The following PARP11 variants were observed in gnomAD, a reference collection of about 807,000 sequenced individuals.
PARP11 encodes the protein poly(ADP-ribose) polymerase family member 11.
In PARP11, 31 loss-of-function variants were observed where a neutral mutation model predicts 42.9. The observed-to-expected ratio is 0.72, with a 90% CI of 0.54 to 0.98. The LOEUF is 0.98. PARP11 is among the 50% of genes least tolerant of loss of function. PARP11 has a pLI of 0.00. For synonymous variants in PARP11, 137 were observed against 127.3 expected, an observed-to-expected ratio of 1.08 and a Z score of -0.51; for missense variants, 365 against 413.1, an observed-to-expected ratio of 0.88 and a Z score of 1.01.
rs1947130243 is a variant in PARP11, at chr12:3,809,591, A to G, written c.*2532T>C. On this transcript the variant is annotated 3_prime_UTR_variant, in exon 8 of 8. Transcript: ENST00000228820. The stretch of plus-strand genomic sequence containing the variant: ...AAAAACAACTCCCAAATGCTGTAAC[A>G]GTTTTTCCATTCAAGTGCTGAGAGA... The G allele has an allele frequency of 6.6e-6, 1 of 152,248 alleles. No homozygotes were observed. The highest frequency in any genetic ancestry group is 2.1e-4 in the South Asian group (1 of 4,828). The allele number at this position is 152,248 out of a possible 1,614,324, so 9.4% of individuals were successfully genotyped here.
chr12:3,819,627 T>A (rs549227976), intron 6 of PARP11, among the ~76,000 whole-genome samples: 4 of 152,280 alleles, frequency 2.6e-5, no homozygotes, highest in African/African-American at 4.8e-5. Flanking sequence ...AAAATGCAGA[T>A]CAGATCCATC....
chr12:3,814,574 G>C (rs1320912619), intron 6 of PARP11, among the ~76,000 whole-genome samples: 4 of 152,140 alleles, frequency 2.6e-5, no homozygotes, highest in African/African-American at 9.7e-5. Flanking sequence ...CTTGAGCAGG[G>C]ATCATGTCAT....
In PARP11 at chr12:3,840,006, T is replaced by C. The variant is rs916232955; in HGVS notation, c.19-9988A>G. 1.0e-5 allele frequency: 16 copies of C among 1,595,224 alleles called. No individual in the cohort carries two copies. The South Asian group carries it at 1.8e-4, about 18-fold the overall frequency. ...CAGGCAACGAGCAGCTGAAGAACAATGGGAACTCTACTAGCCTGCCTTTGG... is the reference window on the plus strand; with the variant it reads ...CAGGCAACGAGCAGCTGAAGAACAACGGGAACTCTACTAGCCTGCCTTTGG... On this transcript the variant is annotated intron_variant, in intron 1 of 7. Transcript: ENST00000228820. The surrounding 1 kb of genome is among the most constrained non-coding windows in gnomAD (Gnocchi z 4.4).
chr12:3,821,353 T>C (rs1276675688), intron 6 of PARP11, among the ~76,000 whole-genome samples: 2 of 152,238 alleles, frequency 1.3e-5, no homozygotes, highest in African/African-American at 4.8e-5. Context: ...TGGACTTTAC[T>C]TTGGTTAAGT....
Position 3,822,186 on chromosome 12 carries a change from A to T in PARP11, c.345-29T>A, listed in dbSNP as rs969718228. The T allele has an allele frequency of 2.6e-6, 4 of 1,551,416 alleles. No homozygotes were observed. The African/African-American group carries it at 5.4e-5, about 21-fold the overall frequency. On this transcript the variant is annotated intron_variant, in intron 4 of 7. Transcript: ENST00000228820. ...GAAACAGCAAAAGAGAAAACAAAAT[A>T]TCAGAAGCCGATTACAATTACTGTC...
Position 3,812,034 on chromosome 12 carries a change from A to C in PARP11, c.*89T>G. On this transcript the variant is annotated 3_prime_UTR_variant, in exon 8 of 8. Transcript: ENST00000228820. ...ATATCTGTTTCAAAAGTATCAGATA[A>C]TTAACATTTAGTGGCTAGATGACTG... 2 of 956,542 alleles carry C rather than the reference A, an allele frequency of 2.1e-6. No homozygotes were observed. Among genetic ancestry groups the C allele is most frequent in the South Asian group, 3.4e-5 (2 of 58,814 alleles). The allele number at this position is 956,542 out of a possible 1,614,324, so 59.3% of individuals were successfully genotyped here.
chr12:3,810,705 AG>A lies in PARP11; in HGVS notation c.*1417del, dbSNP rs1947155320. 1 of 133,842 alleles carries A rather than the reference AG, an allele frequency of 7.5e-6. No individual in the cohort carries two copies. Among genetic ancestry groups the A allele is most frequent in the Non-Finnish European group, 1.5e-5 (1 of 66,198 alleles). The allele number at this position is 133,842 out of a possible 1,614,324, so 8.3% of individuals were successfully genotyped here. On this transcript the variant is annotated 3_prime_UTR_variant, in exon 8 of 8. Transcript: ENST00000228820. The stretch of plus-strand genomic sequence containing the variant: ...AAGGAAAGAAAGAAGGAAGGAAGAG[AG>A]AGAGAAGAGAAGAGAAAGAGAAAGA...
intron 1 of PARP11, among the ~76,000 whole-genome samples, chr12:3,847,186 C>T (rs1948020691): frequency 6.6e-6 from 1 of 152,172 alleles, no homozygotes; most frequent in African/African-American, 2.4e-5. Flanking sequence ...GTAATTATGT[C>T]TCCCATCAAA....
At chr12:3,873,144 G>A in intron 1 of PARP11, 68 bp downstream of exon 1, 2 of 1,350,166 alleles carry the variant, frequency 1.5e-6, no homozygotes, top group Admixed American at 2.0e-5. Flanking sequence ...CAGTTCCGGT[G>A]ACCCCCTCCC....
chr12:3,851,342 T>C (rs902340703), intron 1 of PARP11, among the ~76,000 whole-genome samples: 7 of 152,288 alleles, frequency 4.6e-5, no homozygotes, highest in African/African-American at 1.7e-4. Context: ...ATTGGGGGAT[T>C]TCCCTTTCCT....
At chr12:3,851,461 C>T (rs969663172) in intron 1 of PARP11, among the ~76,000 whole-genome samples, 1 of 152,234 alleles carries the variant, frequency 6.6e-6, no homozygotes, top group African/African-American at 2.4e-5. Flanking sequence ...GATTATATCC[C>T]GCACCTGGCT....
chr12:3,847,379 T>C (rs1382163588), intron 1 of PARP11, among the ~76,000 whole-genome samples: 1 of 152,048 alleles, frequency 6.6e-6, no homozygotes, highest in African/African-American at 2.4e-5. Context: ...AAGAAAACCA[T>C]AGGCCAATAT....
chr12:3,858,040 C>T (rs896765380), intron 1 of PARP11, among the ~76,000 whole-genome samples: 1 of 152,156 alleles, frequency 6.6e-6, no homozygotes, highest in African/African-American at 2.4e-5. Context: ...AAGACATAGT[C>T]GTGCCTGACA....
intron 1 of PARP11, among the ~76,000 whole-genome samples, chr12:3,854,803 C>T (rs781560196): frequency 6.6e-6 from 1 of 152,030 alleles, no homozygotes; most frequent in Non-Finnish European, 1.5e-5. Context: ...ACCCTGATAC[C>T]AAAGCCTGGC....
chr12:3,841,837 G>T (rs1299811895), intron 1 of PARP11: 1 of 1,608,710 alleles, frequency 6.2e-7, no homozygotes, highest in Admixed American at 1.7e-5. Context: ...TGAGAAAGGA[G>T]AATTGGATCT....
intron 1 of PARP11, among the ~76,000 whole-genome samples, chr12:3,838,078 C>T (rs1012508212): frequency 6.7e-6 from 1 of 148,342 alleles, no homozygotes; most frequent in Non-Finnish European, 1.5e-5. Context: ...ACAAAAAACA[C>T]ATCAGATTTA....
chr12:3,814,144 T>A lies in PARP11; in HGVS notation c.593A>T (p.Asn198Ile), dbSNP rs1321757583. 6.2e-7 allele frequency: 1 copy of A among 1,608,998 alleles called. No individual in the cohort carries two copies. The stretch of plus-strand genomic sequence containing the variant: ...GGTACCATGAAACAGCATTTGTTCA[T>A]TAATCTGAGGCACACCTCTTTTTTT... ...LKKKRGVPQINEQMLFHGTSS... is the reference protein window; with the variant it reads ...LKKKRGVPQIIEQMLFHGTSS... The change falls in exon 7 of 8, where the codon AAT becomes ATT. Residue 198 changes from asparagine (N) to isoleucine (I), a missense_variant. Transcript: ENST00000228820.
chr12:3,849,546 C>T (rs943588271), intron 1 of PARP11, among the ~76,000 whole-genome samples: 5 of 152,050 alleles, frequency 3.3e-5, no homozygotes, highest in African/African-American at 4.8e-5. Context: ...TAAAATAAGC[C>T]AAGCACGGAA....
chr12:3,815,529 T>C (rs1022530259), intron 6 of PARP11, among the ~76,000 whole-genome samples: 1 of 152,262 alleles, frequency 6.6e-6, no homozygotes, highest in African/African-American at 2.4e-5. Flanking sequence ...TCTAGGTCTT[T>C]CTTTATCCCA....
Sources: gnomAD v4.1 joint callset for allele counts (sites outside exome capture counted in the v4.1 genomes callset) on GRCh38, gnomAD v4.1.1 for gene constraint, Gnocchi (gnomAD v3.1) non-coding constraint, MANE v1.5 for transcripts, NCBI Gene and HGNC (gene_info 2026-07-23, HGNC 2026-07-21) for gene names.